DAB1: variants seen among roughly 807,000 people sequenced by gnomAD.
The protein encoded by DAB1 is disabled homolog 1.
Under a neutral mutation model 64.6 loss-of-function variants are expected in DAB1, and 15 were observed. The observed-to-expected ratio is 0.23, with a 90% CI of 0.16 to 0.36. The LOEUF is 0.36. Ranked by LOEUF, DAB1 falls within the 10% of genes least tolerant of loss-of-function variation. The pLI, the probability that DAB1 is intolerant of heterozygous loss-of-function variation, is 1.00. For synonymous variants in DAB1, 235 were observed against 251.9 expected, an observed-to-expected ratio of 0.93 and a Z score of 0.64; for missense variants, 596 against 706.7, an observed-to-expected ratio of 0.84 and a Z score of 1.78.
intron 7 of DAB1, among the ~76,000 whole-genome samples, chr1:57,613,621 C>A (rs1645754575): frequency 6.6e-6 from 1 of 152,164 alleles, no homozygotes; most frequent in African/African-American, 2.4e-5. Flanking sequence ...TATTTTCCCC[C>A]TCAAAAATAA....
At chr1:57,364,045 A>G (rs1462756552) in intron 1 of DAB1, among the ~76,000 whole-genome samples, 1 of 152,130 alleles carries the variant, frequency 6.6e-6, no homozygotes, top group Non-Finnish European at 1.5e-5. Context: ...TTTCCTCAGC[A>G]GTTTTCTCCG....
At chr1:57,710,649 TG>T (rs201910442) in intron 6 of DAB1, among the ~76,000 whole-genome samples, 1,943 of 151,420 alleles carry the variant, frequency 0.013, 40 homozygotes, top group African/African-American at 0.042. Context: ...CTGTTTTTTT[TG>T]GGGGGGGGAG....
intron 5 of DAB1, among the ~76,000 whole-genome samples, chr1:58,093,084 T>A (rs1334603508): frequency 6.6e-6 from 1 of 152,196 alleles, no homozygotes; most frequent in East Asian, 1.9e-4. Context: ...TTTTATGCTC[T>A]CCCATTTTGC....
intron 5 of DAB1, among the ~76,000 whole-genome samples, chr1:57,982,830 T>C (rs918536402): frequency 2.6e-5 from 4 of 152,324 alleles, no homozygotes; most frequent in African/African-American, 9.6e-5. Context: ...AGATGATAAT[T>C]AACCTTTCTT....
At chr1:58,461,333 A>G (rs1032865886) in intron 3 of DAB1, among the ~76,000 whole-genome samples, 3 of 152,234 alleles carry the variant, frequency 2.0e-5, no homozygotes, top group African/African-American at 7.2e-5. Flanking sequence ...TGATCAAAAA[A>G]GAGTGAAGAC....
intron 6 of DAB1, among the ~76,000 whole-genome samples, chr1:57,796,400 G>T (rs546289636): frequency 6.6e-6 from 1 of 151,956 alleles, no homozygotes; most frequent in Non-Finnish European, 1.5e-5. Flanking sequence ...GGTGGCAGGC[G>T]CCTGTAGTCC....
At chr1:57,026,799 G>T (rs2100398969) in intron 9 of DAB1, among the ~76,000 whole-genome samples, 1 of 152,186 alleles carries the variant, frequency 6.6e-6, no homozygotes, top group African/African-American at 2.4e-5. Context: ...CATCATATGG[G>T]AGTGTCTGAG....
At chr1:58,248,209 G>C (rs187401067) in intron 4 of DAB1, among the ~76,000 whole-genome samples, 2 of 152,254 alleles carry the variant, frequency 1.3e-5, no homozygotes, top group East Asian at 3.9e-4. Context: ...CAGTCTTCCA[G>C]CTGGGAAATC....
chr1:57,032,585 T>C lies in DAB1; in HGVS notation c.724-6542A>G, dbSNP rs901555654. ...TTCCATTGCCCATGATACTCCCAGA[T>C]CAGTGGTTCTCAACCTTGGTTGCAC... On this transcript the variant is annotated intron_variant, in intron 9 of 14. Transcript: ENST00000371236. Among the ~76,000 whole-genome samples the C allele has an allele frequency of 3.9e-5, 6 of 152,274 alleles. No homozygotes were observed. The East Asian group carries it at 1.2e-3, about 29-fold the overall frequency.
intron 4 of DAB1, among the ~76,000 whole-genome samples, chr1:58,209,068 G>C (rs765167115): frequency 6.6e-6 from 1 of 152,130 alleles, no homozygotes; most frequent in Admixed American, 6.5e-5. Context: ...AGATAAGTGA[G>C]GTGAGACACT....
At chr1:57,034,832 C>T (rs778522389) in intron 9 of DAB1, among the ~76,000 whole-genome samples, 31 of 152,286 alleles carry the variant, frequency 2.0e-4, no homozygotes, top group African/African-American at 4.1e-4. Context: ...CCCATAGCCT[C>T]GTAGTACTGT....
intron 7 of DAB1, among the ~76,000 whole-genome samples, chr1:57,473,371 C>T (rs1250291972): frequency 6.6e-6 from 1 of 152,166 alleles, no homozygotes; most frequent in Admixed American, 6.5e-5. Context: ...AGGGAAGGGC[C>T]CTTACTTGAG....
intron 7 of DAB1, among the ~76,000 whole-genome samples, chr1:57,464,034 A>C (rs1686876253): frequency 6.6e-6 from 1 of 152,176 alleles, no homozygotes; most frequent in African/African-American, 2.4e-5. Flanking sequence ...AAACCATATT[A>C]ATCTTGATTT....
At chr1:56,998,978 T>C (rs1570452220) in intron 14 of DAB1, among the ~76,000 whole-genome samples, 1 of 152,238 alleles carries the variant, frequency 6.6e-6, no homozygotes, top group Non-Finnish European at 1.5e-5. Context: ...GTTTTAAGCA[T>C]GCACAGGACC....
chr1:57,857,945 A>C (rs1372357155), intron 1 of DAB1, among the ~76,000 whole-genome samples: 1 of 151,706 alleles, frequency 6.6e-6, no homozygotes, highest in Non-Finnish European at 1.5e-5. Flanking sequence ...AAAGAAAAAA[A>C]AAAAACAAAA....
chr1:58,011,316 A>T (rs1396915713), intron 5 of DAB1, among the ~76,000 whole-genome samples: 1 of 152,244 alleles, frequency 6.6e-6, no homozygotes, highest in East Asian at 1.9e-4. Flanking sequence ...ACTTTTATAA[A>T]TGAAATTGGC....
At chr1:57,475,515 T>C (rs917114193) in intron 7 of DAB1, among the ~76,000 whole-genome samples, 4 of 152,180 alleles carry the variant, frequency 2.6e-5, no homozygotes, top group African/African-American at 9.7e-5. Flanking sequence ...ATTACTTGGA[T>C]AAGGAAATCA....
At chr1:57,562,288 G>T (rs1294018031) in intron 7 of DAB1, among the ~76,000 whole-genome samples, 2 of 152,208 alleles carry the variant, frequency 1.3e-5, no homozygotes, top group African/African-American at 4.8e-5. Flanking sequence ...CAGGGGAATC[G>T]CTTGGACCAG....
At chr1:57,452,635 TCTC>T (rs1197522710) in intron 7 of DAB1, among the ~76,000 whole-genome samples, 2 of 152,056 alleles carry the variant, frequency 1.3e-5, no homozygotes, top group Non-Finnish European at 2.9e-5. Flanking sequence ...CTTAGACTAA[TCTC>T]CTCTCCTGGT....
Sources: allele counts gnomAD v4.1 joint callset (sites outside exome capture counted in the v4.1 genomes callset), GRCh38; gene constraint gnomAD v4.1.1; transcripts MANE v1.5; gene names NCBI Gene and HGNC (gene_info 2026-07-23, HGNC 2026-07-21).